The following C2CD3 variants were observed in gnomAD, a reference collection of about 807,000 sequenced individuals.
The protein encoded by C2CD3 is C2 domain containing 3 centriole elongation regulator, also known as C2 domain-containing protein 3.
Under a neutral mutation model 234.0 loss-of-function variants are expected in C2CD3, and 148 were observed. That is an observed-to-expected ratio of 0.63 (90% confidence interval 0.55 to 0.72). The LOEUF (loss-of-function observed/expected upper bound fraction) is 0.72. C2CD3 is among the 30% of genes least tolerant of loss of function. The pLI is 0.00. For synonymous variants in C2CD3, 1,000 were observed against 1,035.4 expected (o/e 0.97, Z 0.66); for missense variants, 2,577 against 2,811.5 (o/e 0.92, Z 1.89).
At chr11:74,124,347 C>T (rs573190517) in intron 7 of C2CD3, among the ~76,000 whole-genome samples, 8 of 152,144 alleles carry the variant, frequency 5.3e-5, no homozygotes, top group African/African-American at 1.9e-4. Flanking sequence ...TTTGAACAAG[C>T]AGATAGTTAA....
chr11:74,125,036 C>T (rs1428486088), intron 7 of C2CD3, among the ~76,000 whole-genome samples: 3 of 152,190 alleles, frequency 2.0e-5, no homozygotes, highest in East Asian at 1.9e-4. Context: ...AAAGAATACA[C>T]ATACCTATTT....
At chr11:74,082,633 G>T (rs1191569907) in intron 22 of C2CD3, among the ~76,000 whole-genome samples, 1 of 152,144 alleles carries the variant, frequency 6.6e-6, no homozygotes, top group Non-Finnish European at 1.5e-5. Context: ...CAGGGATGAA[G>T]CCAACTTGAT....
At chr11:74,055,519 G>T (rs866274973) in intron 25 of C2CD3, among the ~76,000 whole-genome samples, 6 of 152,294 alleles carry the variant, frequency 3.9e-5, no homozygotes, top group Middle Eastern at 6.8e-3. Flanking sequence ...GAAGTGAATA[G>T]AGCCTACTTC....
intron 14 of C2CD3, 125 bp from the exon 15 acceptor site, chr11:74,100,801 A>G (rs1956287226): frequency 1.3e-6 from 1 of 753,490 alleles, no homozygotes; most frequent in Non-Finnish European, 2.1e-6. Flanking sequence ...TGAGCTAAAG[A>G]CATTCAAATA....
In C2CD3 at chr11:74,168,464, T is replaced by G; in HGVS notation, c.205A>C (p.Thr69Pro). The G allele has an allele frequency of 6.2e-7, 1 of 1,614,162 alleles. No individual in the cohort carries two copies. The highest frequency in any genetic ancestry group is 1.1e-5 in the South Asian group (1 of 91,086). The part of the protein sequence containing the change: ...VLVRVRWWGE[T>P]SDGTLFCPRD... ...GGACAAAAGAGGGTTCCATCTGATG[T>G]TTCTCCCCACCATCTCACTCGGACA... is the stretch of plus-strand genomic sequence containing the variant. Residue 69 changes from threonine to proline, a missense_variant, in exon 2 of 33, where the codon ACA (threonine) becomes CCA (proline). Thr to Pro is a conservative substitution (Grantham distance 38). Coordinates refer to ENST00000334126, the MANE Select transcript of C2CD3 (RefSeq NM_001286577.2).
chr11:74,106,287 C>T, intron 13 of C2CD3, 84 bp downstream of exon 13: 1 of 1,374,048 alleles, frequency 7.3e-7, no homozygotes, highest in Non-Finnish European at 1.0e-6. Flanking sequence ...CCTTGCTTTT[C>T]TTGTTCACTG....
intron 8 of C2CD3, among the ~76,000 whole-genome samples, chr11:74,121,945 G>A (rs759798387): frequency 3.5e-4 from 53 of 152,206 alleles, no homozygotes; most frequent in African/African-American, 1.2e-3. Flanking sequence ...CATGCTTCCC[G>A]TAGCCCAGTG....
chr11:74,062,565 T>C (rs1175836189), intron 24 of C2CD3, among the ~76,000 whole-genome samples: 1 of 152,130 alleles, frequency 6.6e-6, no homozygotes, highest in Non-Finnish European at 1.5e-5. Flanking sequence ...AAAGATGTTC[T>C]TTGAAACCAA....
At chr11:74,047,390 T>G (rs1953433471) in intron 28 of C2CD3, among the ~76,000 whole-genome samples, 1 of 152,184 alleles carries the variant, frequency 6.6e-6, no homozygotes, top group Non-Finnish European at 1.5e-5. Flanking sequence ...TGTCCCACTG[T>G]GGGTATGGTC....
Position 74,103,197 on chromosome 11 carries a change from G to A in C2CD3, c.2514C>T (p.Ser838=). 6.2e-7 allele frequency: 1 copy of A among 1,614,102 alleles called. No homozygotes were observed. Among genetic ancestry groups the A allele is most frequent in the Non-Finnish European group, 8.5e-7 (1 of 1,179,938 alleles). ...CNVYLNCKLF[S]TEEVTRSVIA... is the part of the protein sequence containing the mutation. ...TGACAGATCTGGTGACTTCCTCTGT[G>A]CTGAAGAGTTTACAATTTAAATAAA... The change falls in exon 14 of 33, where the codon AGC becomes AGT. Residue 838 remains serine (S), a synonymous_variant. Coordinates refer to ENST00000334126, the MANE Select transcript of C2CD3 (RefSeq NM_001286577.2).
At chr11:74,026,572 T>C (rs1952307290) in intron 32 of C2CD3, among the ~76,000 whole-genome samples, 1 of 152,204 alleles carries the variant, frequency 6.6e-6, no homozygotes, top group African/African-American at 2.4e-5. Flanking sequence ...AATGTATACA[T>C]GTTAACTGCT....
At chr11:74,059,521 C>T (rs1954126026) in intron 24 of C2CD3, among the ~76,000 whole-genome samples, 1 of 151,862 alleles carries the variant, frequency 6.6e-6, no homozygotes, top group Admixed American at 6.6e-5. Flanking sequence ...TATCTCGCTG[C>T]TCCTTTCAGT....
intron 11 of C2CD3, among the ~76,000 whole-genome samples, chr11:74,109,942 G>A (rs1035666392): frequency 6.6e-6 from 1 of 151,968 alleles, no homozygotes; most frequent in Non-Finnish European, 1.5e-5. Context: ...TTAGCTGGGC[G>A]CAGTGGCAGA....
In C2CD3 at chr11:74,170,798, G is replaced by T. The variant is rs1337051575; in HGVS notation, c.-6C>A. The stretch of plus-strand genomic sequence containing the variant: ...TGGCCTTTTCGTTGTTTCATGATGA[G>T]CCCGAGCTCTTCTTCACCAGCTCAA... On this transcript the variant is annotated 5_prime_UTR_variant, in exon 1 of 33. Coordinates refer to ENST00000334126, the MANE Select transcript of C2CD3 (RefSeq NM_001286577.2). 1 of 1,614,050 alleles carries T rather than the reference G, an allele frequency of 6.2e-7. No homozygotes were observed. Among genetic ancestry groups the T allele is most frequent in the Non-Finnish European group, 8.5e-7 (1 of 1,180,032 alleles).
chr11:74,129,523 C>G (rs1214709845), intron 7 of C2CD3: 2 of 187,360 alleles, frequency 1.1e-5, no homozygotes, highest in Non-Finnish European at 2.2e-5. Flanking sequence ...GGATGGCGGC[C>G]GGGAAGAGGC....
At position 74,104,653 on chromosome 11, in the gene C2CD3, A is replaced by G. The variant is rs114001911; in HGVS notation, c.2086-1028T>C. Reference sequence around the variant, plus strand: ...AAAAAAGTCTAAATAATTAAAAAGTAAAAAAGAAAAGGGAAGCAGGATAAA... The same window carrying G: ...AAAAAAGTCTAAATAATTAAAAAGTGAAAAAGAAAAGGGAAGCAGGATAAA... On this transcript the variant is annotated intron_variant, in intron 13 of 32. Coordinates refer to ENST00000334126, the MANE Select transcript of C2CD3 (RefSeq NM_001286577.2). 1.4e-3 allele frequency among the ~76,000 whole-genome samples: 216 copies of G among 152,296 alleles called. 2 individuals carry two copies. Among genetic ancestry groups the G allele is most frequent in the African/African-American group, 4.1e-3 (169 of 41,570 alleles).
chr11:74,132,477 C>T (rs911416104), intron 7 of C2CD3, among the ~76,000 whole-genome samples: 4 of 152,158 alleles, frequency 2.6e-5, no homozygotes, highest in Non-Finnish European at 5.9e-5. Context: ...CCAATTTTAC[C>T]AATGCCTCTG....
intron 6 of C2CD3, 103 bp from the exon 7 acceptor site, chr11:74,133,075 A>G: frequency 8.9e-7 from 1 of 1,128,818 alleles, no homozygotes. Context: ...AGAAAATTTA[A>G]CATACTTTAG....
intron 16 of C2CD3, among the ~76,000 whole-genome samples, chr11:74,097,715 C>A (rs570572384): frequency 6.6e-6 from 1 of 152,374 alleles, no homozygotes; most frequent in South Asian, 2.1e-4. Flanking sequence ...GGATCACTCT[C>A]CACTCCCAAT....
Sources: allele counts gnomAD v4.1 joint callset (sites outside exome capture counted in the v4.1 genomes callset), GRCh38; gene constraint gnomAD v4.1.1; transcripts MANE v1.5; gene names NCBI Gene and HGNC (gene_info 2026-07-23, HGNC 2026-07-21).